Variants in PACSIN2 observed in about 807,000 individuals in gnomAD.
PACSIN2 encodes the protein protein kinase C and casein kinase substrate in neurons protein 2.
In PACSIN2, 25 loss-of-function variants were observed where a neutral mutation model predicts 63.8. The ratio of observed to expected loss-of-function variants is 0.39; its 90% CI spans 0.29 to 0.55. PACSIN2 has a LOEUF of 0.55. PACSIN2 is among the 20% of genes least tolerant of loss of function. The probability of loss-of-function intolerance (pLI) is 0.62; values close to 1 mark genes in which losing one functional copy is unlikely to be tolerated. For missense variants in PACSIN2, 518 were observed against 646.9 expected, an observed-to-expected ratio of 0.80 and a Z score of 2.16; for synonymous variants, 255 against 256.2, an observed-to-expected ratio of 1.00 and a Z score of 0.05.
chr22:42,914,500 G>T (rs1224363395), intron 1 of PACSIN2, among the ~76,000 whole-genome samples: 1 of 152,224 alleles, frequency 6.6e-6, no homozygotes, highest in Non-Finnish European at 1.5e-5. Flanking sequence ...CTCCCGAAGT[G>T]CTGGGATTAC....
At chr22:42,914,345 G>A (rs1481882116) in intron 1 of PACSIN2, among the ~76,000 whole-genome samples, 1 of 152,170 alleles carries the variant, frequency 6.6e-6, no homozygotes, top group East Asian at 1.9e-4. Context: ...CAACTCTAGT[G>A]CCTCAGCCTC....
intron 1 of PACSIN2, among the ~76,000 whole-genome samples, chr22:42,931,829 C>T (rs528126924): frequency 7.3e-4 from 111 of 152,234 alleles, no homozygotes; most frequent in African/African-American, 2.5e-3. Flanking sequence ...TCCAAAACAG[C>T]CCAGAAAATG....
chr22:42,942,293 T>C (rs1933206226), intron 1 of PACSIN2, among the ~76,000 whole-genome samples: 2 of 152,026 alleles, frequency 1.3e-5, no homozygotes, highest in East Asian at 1.9e-4. Context: ...TTTGAAACTA[T>C]TTTCTTCCAT....
chr22:43,003,687 G>GA (rs1227106005), intron 1 of PACSIN2, among the ~76,000 whole-genome samples: 2 of 152,212 alleles, frequency 1.3e-5, no homozygotes, highest in Non-Finnish European at 2.9e-5. Context: ...GACAAAATGT[G>GA]AAGACCTTTC....
chr22:42,877,115 G>GT, intron 8 of PACSIN2, 105 bp from the exon 9 acceptor site: 2 of 1,236,886 alleles, frequency 1.6e-6, no homozygotes, highest in South Asian at 2.6e-5. Flanking sequence ...AGCTCCTCCT[G>GT]TGACCGGAGG....
At chr22:42,975,096 G>A (rs999120024) in intron 1 of PACSIN2, among the ~76,000 whole-genome samples, 18 of 152,240 alleles carry the variant, frequency 1.2e-4, no homozygotes, top group Non-Finnish European at 2.5e-4. Flanking sequence ...GTGGCATTTT[G>A]GTCTTGTTCT....
intron 1 of PACSIN2, among the ~76,000 whole-genome samples, chr22:42,974,305 C>T (rs1921529434): frequency 2.0e-5 from 3 of 152,224 alleles, no homozygotes; most frequent in African/African-American, 7.2e-5. Flanking sequence ...CACCAAATAG[C>T]AGGTGCCATA....
At chr22:42,940,738 G>A (rs1933120884) in intron 1 of PACSIN2, among the ~76,000 whole-genome samples, 1 of 152,170 alleles carries the variant, frequency 6.6e-6, no homozygotes, top group Non-Finnish European at 1.5e-5. Flanking sequence ...TCACAATTTA[G>A]GAGGCTCAAA....
At chr22:42,898,603 G>A (rs749338463) in intron 2 of PACSIN2, among the ~76,000 whole-genome samples, 2 of 151,970 alleles carry the variant, frequency 1.3e-5, no homozygotes, top group African/African-American at 2.4e-5. Flanking sequence ...TCCGGAGGCC[G>A]CTCTCCTGCC....
At position 42,924,819 on chromosome 22, in the gene PACSIN2, C is replaced by T. The variant is rs145121483; in HGVS notation, c.-77-12662G>A. Among the ~76,000 whole-genome samples the T allele has an allele frequency of 4.6e-3, 692 of 151,654 alleles. 1 individual carries two copies. The highest frequency in any genetic ancestry group is 0.014 in the African/African-American group (594 of 41,286). On this transcript the variant is annotated intron_variant, in intron 1 of 10. Coordinates refer to ENST00000263246, the MANE Select transcript of PACSIN2 (RefSeq NM_001184970.3). Reference sequence around the variant, plus strand: ...TCGCCCAGGCTGAAGCGCAGTGGCACGATCTCAGATCACTGCAAGCTCTGC... The same window carrying T: ...TCGCCCAGGCTGAAGCGCAGTGGCATGATCTCAGATCACTGCAAGCTCTGC...
intron 1 of PACSIN2, among the ~76,000 whole-genome samples, chr22:42,964,275 G>A (rs868670858): frequency 6.6e-6 from 1 of 152,134 alleles, no homozygotes; most frequent in African/African-American, 2.4e-5. Flanking sequence ...AAAATTAGCT[G>A]GGCATGGTGG....
intron 10 of PACSIN2, 55 bp downstream of exon 10, chr22:42,876,082 C>G: frequency 1.3e-6 from 2 of 1,498,156 alleles, no homozygotes; most frequent in South Asian, 2.4e-5. Flanking sequence ...AAAGACCGCC[C>G]ACAGCCTGCA....
intron 1 of PACSIN2, among the ~76,000 whole-genome samples, chr22:42,953,453 A>G (rs1037757113): frequency 6.6e-6 from 1 of 152,262 alleles, no homozygotes; most frequent in African/African-American, 2.4e-5. Context: ...AGCCACTGCA[A>G]TAAGAAAAAT....
intron 2 of PACSIN2, among the ~76,000 whole-genome samples, chr22:42,902,522 C>G (rs920547247): frequency 6.6e-6 from 1 of 152,204 alleles, no homozygotes; most frequent in South Asian, 2.1e-4. Flanking sequence ...GATTTCCATT[C>G]CCCCTGGAAA....
intron 1 of PACSIN2, among the ~76,000 whole-genome samples, chr22:42,955,854 A>AT (rs1240761095): frequency 6.6e-6 from 1 of 152,102 alleles, no homozygotes; most frequent in Non-Finnish European, 1.5e-5. Flanking sequence ...GCCCTGTGCT[A>AT]TTTTTTCTTC....
rs1293436650 is a variant in PACSIN2 at position 42,904,775 on chromosome 22, A to G, written c.60+7246T>C. 2.6e-5 allele frequency among the ~76,000 whole-genome samples: 4 copies of G among 151,850 alleles called. No homozygotes were observed. In the South Asian group the frequency reaches 8.3e-4, roughly 32 times the overall value. The stretch of plus-strand genomic sequence containing the variant: ...CCTGGCCCTAGCCCCCTGCACCCGA[A>G]TCCTGGTTTACTTTATGACTCCTGT... On this transcript the variant is annotated intron_variant, in intron 2 of 10. Coordinates refer to ENST00000263246, the MANE Select transcript of PACSIN2 (RefSeq NM_001184970.3).
At chr22:42,881,530 GC>G (rs1450691949) in intron 7 of PACSIN2, among the ~76,000 whole-genome samples, 1 of 152,194 alleles carries the variant, frequency 6.6e-6, no homozygotes, top group African/African-American at 2.4e-5. Flanking sequence ...ACGTGCTTAA[GC>G]CTCAGGGGCA....
intron 1 of PACSIN2, among the ~76,000 whole-genome samples, chr22:42,942,757 C>T (rs535717210): frequency 6.6e-6 from 1 of 152,350 alleles, no homozygotes; most frequent in East Asian, 1.9e-4. Flanking sequence ...GACTCTATCT[C>T]ATTTTTCCAT....
chr22:42,957,990 G>A (rs1252405985), intron 1 of PACSIN2, among the ~76,000 whole-genome samples: 1 of 151,902 alleles, frequency 6.6e-6, no homozygotes, highest in East Asian at 1.9e-4. Context: ...TTGTACTTGA[G>A]GTAATTCACT....
Sources: gnomAD v4.1 joint callset for allele counts (sites outside exome capture counted in the v4.1 genomes callset) on GRCh38, gnomAD v4.1.1 for gene constraint, MANE v1.5 for transcripts, NCBI Gene and HGNC (gene_info 2026-07-23, HGNC 2026-07-21) for gene names.